The following VPS26C variants were observed in gnomAD, a reference collection of about 807,000 sequenced individuals.
VPS26C encodes the protein vacuolar protein sorting-associated protein 26C.
In VPS26C, 19 loss-of-function variants were observed where a neutral mutation model predicts 30.6. The ratio of observed to expected loss-of-function variants is 0.62; its 90% CI spans 0.43 to 0.91. VPS26C has a LOEUF of 0.91. Ranked by LOEUF, VPS26C falls within the 40% of genes least tolerant of loss-of-function variation. VPS26C has a pLI of 0.00. For missense variants in VPS26C, 318 were observed against 385.1 expected, an observed-to-expected ratio of 0.83 and a Z score of 1.46; for synonymous variants, 132 against 151.5, an observed-to-expected ratio of 0.87 and a Z score of 0.95.
chr21:37,259,219 C>CA (rs1221994530), intron 1 of VPS26C, among the ~76,000 whole-genome samples: 2 of 149,960 alleles, frequency 1.3e-5, no homozygotes, highest in Non-Finnish European at 1.5e-5. Context: ...AAAAAAAAAA[C>CA]AAAAAAACTA....
intron 1 of VPS26C, among the ~76,000 whole-genome samples, chr21:37,250,183 T>C (rs2086177603): frequency 6.6e-6 from 1 of 152,102 alleles, no homozygotes; most frequent in Admixed American, 6.5e-5. Context: ...TACATGCCTA[T>C]AGTCCCAGCT....
intron 5 of VPS26C, chr21:37,229,051 A>G (rs374687696): frequency 2.6e-5 from 4 of 152,082 alleles, no homozygotes; most frequent in Admixed American, 6.6e-5. Flanking sequence ...GATGTTCCCA[A>G]TTGTACAATT....
At chr21:37,249,403 A>C (rs144683029) in intron 1 of VPS26C, among the ~76,000 whole-genome samples, 321 of 152,382 alleles carry the variant, frequency 2.1e-3, no homozygotes, top group African/African-American at 6.9e-3. Flanking sequence ...AATAGGTATC[A>C]CATATAAACC....
intron 1 of VPS26C, among the ~76,000 whole-genome samples, chr21:37,255,787 CT>C (rs2086235661): frequency 6.6e-6 from 1 of 150,894 alleles, no homozygotes; most frequent in African/African-American, 2.5e-5. Flanking sequence ...GGGTCTGTAC[CT>C]TTTTGGCTTA....
At chr21:37,231,323 A>C (rs2085960832) in intron 5 of VPS26C, among the ~76,000 whole-genome samples, 1 of 152,260 alleles carries the variant, frequency 6.6e-6, no homozygotes, top group African/African-American at 2.4e-5. Flanking sequence ...ATCCCGAAGA[A>C]GAAACGGTGT....
chr21:37,249,315 CCA>C, intron 1 of VPS26C, among the ~76,000 whole-genome samples: 1 of 152,098 alleles, frequency 6.6e-6, no homozygotes, highest in African/African-American at 2.4e-5. Context: ...CCAAGGGAAT[CCA>C]CTGAAAAACT....
intron 2 of VPS26C, among the ~76,000 whole-genome samples, chr21:37,239,994 A>T (rs1157094827): frequency 1.3e-5 from 2 of 152,252 alleles, no homozygotes; most frequent in Non-Finnish European, 2.9e-5. Flanking sequence ...ATAACAGGAT[A>T]TACTTAGAAA....
chr21:37,256,580 A>G (rs2086245935), intron 1 of VPS26C, among the ~76,000 whole-genome samples: 2 of 152,192 alleles, frequency 1.3e-5, no homozygotes, highest in African/African-American at 4.8e-5. Context: ...GAAAGGTAAA[A>G]TCTATTTTCT....
intron 3 of VPS26C, among the ~76,000 whole-genome samples, chr21:37,237,958 C>A (rs1049673092): frequency 4.6e-5 from 7 of 152,178 alleles, no homozygotes; most frequent in Non-Finnish European, 7.4e-5. Flanking sequence ...CCTGAGACAA[C>A]AACAGCAGAC....
intron 1 of VPS26C, among the ~76,000 whole-genome samples, chr21:37,245,707 C>T (rs943333876): frequency 1.3e-5 from 2 of 152,014 alleles, no homozygotes; most frequent in East Asian, 1.9e-4. Context: ...AATGAATAAA[C>T]GATCATTCAC....
At chr21:37,248,465 C>G (rs920727907) in intron 1 of VPS26C, among the ~76,000 whole-genome samples, 11 of 151,990 alleles carry the variant, frequency 7.2e-5, no homozygotes, top group African/African-American at 2.7e-4. Flanking sequence ...AGATAATATT[C>G]AACACTATTC....
At chr21:37,241,414 T>C (rs2086085897) in intron 1 of VPS26C, among the ~76,000 whole-genome samples, 1 of 152,198 alleles carries the variant, frequency 6.6e-6, no homozygotes, top group Non-Finnish European at 1.5e-5. Context: ...CCTGTCACCA[T>C]AGAACTGGAT....
intron 3 of VPS26C, among the ~76,000 whole-genome samples, chr21:37,234,247 CACACAG>C (rs2085996693): frequency 6.6e-6 from 1 of 152,270 alleles, no homozygotes; most frequent in African/African-American, 2.4e-5. Context: ...CATCTGCCAA[CACACAG>C]ATGTAGCCTG....
chr21:37,265,910 CTTTTTTTT>C (rs59649054), intron 1 of VPS26C, among the ~76,000 whole-genome samples: 28 of 77,240 alleles, frequency 3.6e-4, no homozygotes, highest in Middle Eastern at 0.011. Context: ...AGCTTTTTCT[CTTTTTTTT>C]TTTTTTTTTT....
chr21:37,251,995 C>G (rs989808969), intron 1 of VPS26C, among the ~76,000 whole-genome samples: 1 of 152,188 alleles, frequency 6.6e-6, no homozygotes, highest in Non-Finnish European at 1.5e-5. Flanking sequence ...CATGACAGCC[C>G]ATCTTCGTTC....
At chr21:37,246,325 A>T (rs558057168) in intron 1 of VPS26C, among the ~76,000 whole-genome samples, 4 of 152,242 alleles carry the variant, frequency 2.6e-5, no homozygotes, top group African/African-American at 9.6e-5. Context: ...ATGATACAAC[A>T]ATGCTCAAGG....
intron 7 of VPS26C, 22 bp downstream of exon 7, chr21:37,227,632 C>G: frequency 6.9e-7 from 1 of 1,456,832 alleles, no homozygotes; most frequent in East Asian, 2.5e-5. Context: ...CCCATGAGGG[C>G]TGGGAGGCGA....
In VPS26C at chr21:37,257,757, G is replaced by C. The variant is rs1423458995; in HGVS notation, c.57+9481C>G. ...GGAGGGAAAGGGGTGGGGAGCGAGG[G>C]TACCAGAGGCGTGGGAGGACGGGGA... is the stretch of plus-strand genomic sequence containing the variant. On this transcript the variant is annotated intron_variant, in intron 1 of 7. Coordinates refer to ENST00000309117, the MANE Select transcript of VPS26C (RefSeq NM_006052.2). This position sits in a 1 kb window ranked among gnomAD's most constrained non-coding sequence, Gnocchi z 4.2. Among the ~76,000 whole-genome samples the C allele has an allele frequency of 6.6e-6, 1 of 152,188 alleles. No individual in the cohort carries two copies. Among genetic ancestry groups the C allele is most frequent in the East Asian group, 1.9e-4 (1 of 5,186 alleles).
chr21:37,262,672 C>G (rs1466051209), intron 1 of VPS26C, among the ~76,000 whole-genome samples: 1 of 152,160 alleles, frequency 6.6e-6, no homozygotes. Flanking sequence ...TGGAACACTA[C>G]ACAAATCATC....
Sources: allele counts gnomAD v4.1 joint callset (sites outside exome capture counted in the v4.1 genomes callset), GRCh38; gene constraint gnomAD v4.1.1; non-coding constraint Gnocchi (gnomAD v3.1); transcripts MANE v1.5; gene names NCBI Gene and HGNC (gene_info 2026-07-23, HGNC 2026-07-21).